Variants in FTO observed in about 807,000 individuals in gnomAD.
FTO encodes FTO alpha-ketoglutarate dependent dioxygenase.
A neutral mutation model predicts 63.9 loss-of-function variants in FTO; 47 were observed. The observed-to-expected ratio is 0.74, with a 90% CI of 0.58 to 0.94. FTO has a LOEUF of 0.94. Among genes scored for constraint, FTO ranks in the 40% least tolerant of loss-of-function variants. The pLI is 0.00. For missense variants in FTO, 562 were observed against 618.1 expected, an observed-to-expected ratio of 0.91 and a Z score of 0.96; for synonymous variants, 207 against 224.4, an observed-to-expected ratio of 0.92 and a Z score of 0.69.
Position 53,934,044 on chromosome 16 carries a change from A to G in FTO, c.1299A>G (p.Glu433=), listed in dbSNP as rs2082336092. Reference sequence around the variant, plus strand: ...GGCTCCCCGTGGAACAAAGGAATGAAATCTTGACTGCCATCCTTGCCTCGC... The same window carrying G: ...GGCTCCCCGTGGAACAAAGGAATGAGATCTTGACTGCCATCCTTGCCTCGC... ...REGLPVEQRN[E]ILTAILASLT... is the part of the protein sequence containing the mutation. The change falls in exon 8 of 9, where the codon GAA becomes GAG. Residue 433 remains glutamate (E), a synonymous_variant. Coordinates refer to ENST00000471389, the MANE Select transcript of FTO (RefSeq NM_001080432.3). The G allele has an allele frequency of 6.2e-7, 1 of 1,614,038 alleles. No individual in the cohort carries two copies. The highest frequency in any genetic ancestry group is 1.3e-5 in the African/African-American group (1 of 74,922).
At chr16:54,054,029 T>C (rs1051621217) in intron 8 of FTO, among the ~76,000 whole-genome samples, 9 of 152,138 alleles carry the variant, frequency 5.9e-5, no homozygotes, top group African/African-American at 2.2e-4. Flanking sequence ...TTTTTTTCCT[T>C]GAACACTTTC....
intron 8 of FTO, among the ~76,000 whole-genome samples, chr16:53,969,302 T>G (rs1286613069): frequency 6.6e-6 from 1 of 152,162 alleles, no homozygotes; most frequent in Admixed American, 6.5e-5. Flanking sequence ...GAAATAACTC[T>G]CTTGCCTGAA....
intron 1 of FTO, among the ~76,000 whole-genome samples, chr16:53,713,246 G>C (rs1019405500): frequency 7.2e-5 from 11 of 152,254 alleles, no homozygotes; most frequent in Non-Finnish European, 1.2e-4. Flanking sequence ...GTCAACACTT[G>C]TTTTCAAGTG....
At chr16:53,925,373 G>A (rs1248625934) in intron 7 of FTO, among the ~76,000 whole-genome samples, 1 of 152,086 alleles carries the variant, frequency 6.6e-6, no homozygotes, top group African/African-American at 2.4e-5. Flanking sequence ...TTCTGTGGTG[G>A]TAGTGAGGAT....
chr16:53,782,460 C>T (rs924147441), intron 1 of FTO, among the ~76,000 whole-genome samples: 1 of 152,090 alleles, frequency 6.6e-6, no homozygotes, highest in Non-Finnish European at 1.5e-5. Context: ...GTGTAAATGT[C>T]GAGAGCCAAT....
intron 8 of FTO, among the ~76,000 whole-genome samples, chr16:53,950,154 G>GT (rs1555497331): frequency 1.5e-4 from 4 of 26,516 alleles, no homozygotes; most frequent in Non-Finnish European, 3.2e-4. Flanking sequence ...ATTCACATTT[G>GT]TAAAAAAAAA....
At chr16:53,728,001 G>C (rs890805082) in intron 1 of FTO, among the ~76,000 whole-genome samples, 2 of 152,126 alleles carry the variant, frequency 1.3e-5, no homozygotes, top group Non-Finnish European at 2.9e-5. Flanking sequence ...CAGTGCTTTG[G>C]GGGGCTGAGG....
intron 8 of FTO, among the ~76,000 whole-genome samples, chr16:53,960,715 G>A (rs1440624467): frequency 6.6e-6 from 1 of 151,692 alleles, no homozygotes; most frequent in Non-Finnish European, 1.5e-5. Flanking sequence ...CAGAAATGGG[G>A]GTGGGGGGGG....
intron 8 of FTO, among the ~76,000 whole-genome samples, chr16:54,075,346 A>C (rs1363604075): frequency 6.6e-6 from 1 of 152,196 alleles, no homozygotes; most frequent in Non-Finnish European, 1.5e-5. Flanking sequence ...GATATATGAA[A>C]AAGAATCTGA....
At chr16:53,946,607 T>C (rs2082656171) in intron 8 of FTO, among the ~76,000 whole-genome samples, 1 of 152,188 alleles carries the variant, frequency 6.6e-6, no homozygotes, top group Non-Finnish European at 1.5e-5. Flanking sequence ...AAAAAGTTGC[T>C]GTTTACTGAA....
intron 1 of FTO, among the ~76,000 whole-genome samples, chr16:53,726,372 A>G (rs994708659): frequency 6.6e-6 from 1 of 152,140 alleles, no homozygotes; most frequent in Non-Finnish European, 1.5e-5. Flanking sequence ...GAAAATCTGT[A>G]TCCAGTTTTT....
At position 53,879,875 on chromosome 16, in the gene FTO, A is replaced by T; in HGVS notation, c.1007A>T (p.Gln336Leu). 1 of 1,613,990 alleles carries T rather than the reference A, an allele frequency of 6.2e-7. No homozygotes were observed. The highest frequency in any genetic ancestry group is 8.5e-7 in the Non-Finnish European group (1 of 1,179,918). ...ACAGGAACCTTGGATTATATTTTAC[A>T]ACGCTGTCAGTTGGCTCTGCAGAAT... ...CSTGTLDYIL[Q>L]RCQLALQNVC... is the part of the protein sequence containing the mutation. The change falls in exon 6 of 9, where the codon CAA (glutamine) becomes CTA (leucine). Residue 336 changes from glutamine to leucine, a missense_variant. By Grantham distance (113) the Gln-to-Leu change is moderately radical. Transcript: ENST00000471389.
intron 7 of FTO, among the ~76,000 whole-genome samples, chr16:53,892,821 G>T (rs920370032): frequency 6.6e-6 from 1 of 152,024 alleles, no homozygotes; most frequent in African/African-American, 2.4e-5. Flanking sequence ...TTTTCACTTT[G>T]TGGCTGCAAG....
At chr16:54,060,151 A>G (rs149611612) in intron 8 of FTO, among the ~76,000 whole-genome samples, 1 of 152,274 alleles carries the variant, frequency 6.6e-6, no homozygotes, top group African/African-American at 2.4e-5. Flanking sequence ...ATATGCCTTG[A>G]GAATTAAGGA....
At chr16:54,064,716 G>A (rs28540571) in intron 8 of FTO, among the ~76,000 whole-genome samples, 1 of 152,118 alleles carries the variant, frequency 6.6e-6, no homozygotes, top group Admixed American at 6.5e-5. Context: ...ATTTTGCCAA[G>A]AACACGTTGG....
chr16:54,079,991 C>T (rs1282761109), intron 8 of FTO, among the ~76,000 whole-genome samples: 1 of 152,168 alleles, frequency 6.6e-6, no homozygotes, highest in African/African-American at 2.4e-5. Context: ...ATTTTGTCTC[C>T]TCTGAGCCAG....
intron 7 of FTO, among the ~76,000 whole-genome samples, chr16:53,924,199 C>T (rs1319966180): frequency 6.6e-6 from 1 of 152,138 alleles, no homozygotes; most frequent in East Asian, 1.9e-4. Context: ...GTGCTAAGCA[C>T]TTTACATGGA....
chr16:53,827,562 GA>G lies in FTO; in HGVS notation c.751+1079del, dbSNP rs879547468. Among the ~76,000 whole-genome samples, 24 of 151,506 alleles carry G rather than the reference GA, an allele frequency of 1.6e-4. No homozygotes were observed. The South Asian group carries it at 2.9e-3, about 18-fold the overall frequency. On this transcript the variant is annotated intron_variant, in intron 3 of 8. Transcript: ENST00000471389. ...TTACTGTTTTGGAAAAGAGATTTAA[GA>G]AAAAAAAGATCTTTAAAGTACTCTT...
chr16:54,037,019 G>A (rs903736973), intron 8 of FTO, among the ~76,000 whole-genome samples: 8 of 152,276 alleles, frequency 5.3e-5, no homozygotes, highest in African/African-American at 1.9e-4. Context: ...CAAACCAACT[G>A]CCACTGTATC....
Sources: allele counts gnomAD v4.1 joint callset (sites outside exome capture counted in the v4.1 genomes callset), GRCh38; gene constraint gnomAD v4.1.1; transcripts MANE v1.5; gene names NCBI Gene and HGNC (gene_info 2026-07-23, HGNC 2026-07-21).